Variants in PTPN3 observed in about 807,000 individuals in gnomAD.
PTPN3 encodes the protein tyrosine-protein phosphatase non-receptor type 3.
Under a neutral mutation model 132.7 loss-of-function variants are expected in PTPN3, and 96 were observed. That is an observed-to-expected ratio of 0.72 (90% CI 0.61 to 0.86). PTPN3 has a LOEUF of 0.86. Ranked by LOEUF, PTPN3 falls within the 40% of genes least tolerant of loss-of-function variation. The probability of loss-of-function intolerance (pLI) is 0.00; values close to 1 mark genes in which losing one functional copy is unlikely to be tolerated. For synonymous variants in PTPN3, 398 were observed against 429.0 expected, an observed-to-expected ratio of 0.93 and a Z score of 0.89; for missense variants, 1,125 against 1,159.6, an observed-to-expected ratio of 0.97 and a Z score of 0.43.
At chr9:109,454,379 T>C (rs1219159670) in intron 5 of PTPN3, 117 bp downstream of exon 5, 1 of 841,686 alleles carries the variant, frequency 1.2e-6, no homozygotes, top group South Asian at 1.6e-5. Context: ...ATCATCATTG[T>C]TGGTGTAGTT....
At chr9:109,416,441 TTTTTTGTTTC>T (rs1382580055) in intron 14 of PTPN3, among the ~76,000 whole-genome samples, 6 of 141,368 alleles carry the variant, frequency 4.2e-5, no homozygotes, top group African/African-American at 1.3e-4. Flanking sequence ...TGTTTTTTGT[TTTTTTGTTTC>T]TTTTTTTTTT....
chr9:109,437,542 A>G (rs1588425740), intron 8 of PTPN3, among the ~76,000 whole-genome samples: 2 of 152,320 alleles, frequency 1.3e-5, no homozygotes, highest in East Asian at 3.9e-4. Context: ...TGGACTGCAC[A>G]GCTGCTGCTG....
chr9:109,534,246 G>T, the PTPN3 span: 1 of 1,493,204 alleles, frequency 6.7e-7, no homozygotes, highest in Non-Finnish European at 9.1e-7. Flanking sequence ...TGCCCGTAGT[G>T]CCGGGCGTGG....
chr9:109,457,530 G>A, intron 2 of PTPN3, 131 bp from the exon 3 acceptor site: 1 of 715,636 alleles, frequency 1.4e-6, no homozygotes, highest in South Asian at 2.0e-5. Flanking sequence ...CACAAGAAAA[G>A]CTTTAATAAA....
chr9:109,442,754 C>T (rs916543702), intron 7 of PTPN3, among the ~76,000 whole-genome samples: 1 of 152,204 alleles, frequency 6.6e-6, no homozygotes, highest in African/African-American at 2.4e-5. Context: ...ATTTCATCTT[C>T]ACTACAACCC....
intron 16 of PTPN3, among the ~76,000 whole-genome samples, chr9:109,408,983 G>A (rs559764268): frequency 8.6e-5 from 13 of 151,842 alleles, no homozygotes; most frequent in African/African-American, 2.7e-4. Context: ...TGGGGCAGAT[G>A]AGGCTGTGCA....
chr9:109,494,856 C>T (rs1249516145), intron 1 of PTPN3, among the ~76,000 whole-genome samples: 1 of 152,052 alleles, frequency 6.6e-6, no homozygotes, highest in East Asian at 1.9e-4. Context: ...ATAAATGTCT[C>T]AATTTGCTGT....
At chr9:109,490,084 G>A (rs145240835) in intron 1 of PTPN3, among the ~76,000 whole-genome samples, 19 of 152,216 alleles carry the variant, frequency 1.2e-4, no homozygotes, top group African/African-American at 4.6e-4. Flanking sequence ...TTGGGAGGTT[G>A]AGGCAGGAGA....
Position 109,410,073 on chromosome 9 carries a change from C to T in PTPN3, c.1504G>A (p.Asp502Asn), listed in dbSNP as rs372363344. The change falls in exon 16 of 26, where the codon GAT becomes AAT. Residue 502 changes from aspartate (D) to asparagine (N), a missense_variant. Transcript: ENST00000374541. ...DASQYYCDKNDNGDSYLVLIR... is the reference protein window; with the variant it reads ...DASQYYCDKNNNGDSYLVLIR... ...AAGACTAAGTAGCTGTCACCATTAT[C>T]ATTCTGGAAAACGGTTTGAAAGTGG... The T allele has an allele frequency of 1.2e-5, 19 of 1,614,108 alleles. No individual in the cohort carries two copies. The African/African-American group carries it at 2.1e-4, about 18-fold the overall frequency.
the PTPN3 span, among the ~76,000 whole-genome samples, chr9:109,520,234 A>C: frequency 6.6e-6 from 1 of 151,976 alleles, no homozygotes; most frequent in Non-Finnish European, 1.5e-5. Context: ...TCTAGAGCCC[A>C]TGCTCTGCGC....
Position 109,434,442 on chromosome 9 carries a change from G to C in PTPN3, c.676-1281C>G, listed in dbSNP as rs1484551843. Among the ~76,000 whole-genome samples, 7 of 150,358 alleles carry C rather than the reference G, an allele frequency of 4.7e-5. No individual in the cohort carries two copies. The East Asian group carries it at 1.4e-3, about 29-fold the overall frequency. On this transcript the variant is annotated intron_variant, in intron 9 of 25. Coordinates refer to ENST00000374541, the MANE Select transcript of PTPN3 (RefSeq NM_002829.4). Reference sequence around the variant, plus strand: ...TACAGCCTCAGTTCCCAAGTAGCTGGGACTACAGGCATGTGCCACCACGCC... The same window carrying C: ...TACAGCCTCAGTTCCCAAGTAGCTGCGACTACAGGCATGTGCCACCACGCC...
At chr9:109,390,676 A>G (rs1839996569) in intron 21 of PTPN3, among the ~76,000 whole-genome samples, 1 of 152,204 alleles carries the variant, frequency 6.6e-6, no homozygotes, top group Non-Finnish European at 1.5e-5. Flanking sequence ...GCGTTTTTAG[A>G]GAGAAAATAA....
chr9:109,488,416 G>C (rs1350368196), intron 1 of PTPN3, among the ~76,000 whole-genome samples: 1 of 152,122 alleles, frequency 6.6e-6, no homozygotes, highest in Admixed American at 6.6e-5. Context: ...ACATTTTTAA[G>C]CAGTAAAATC....
the PTPN3 span, chr9:109,533,703 T>G: frequency 6.8e-7 from 1 of 1,475,718 alleles, no homozygotes; most frequent in Non-Finnish European, 9.2e-7. Context: ...ACAGGAGGGT[T>G]GGAATACTGT....
chr9:109,386,970 A>T (rs757649920), intron 22 of PTPN3, among the ~76,000 whole-genome samples: 3 of 152,076 alleles, frequency 2.0e-5, no homozygotes, highest in Non-Finnish European at 4.4e-5. Flanking sequence ...GGGGACAGAG[A>T]GGGGAGACTG....
chr9:109,449,224 C>A, intron 5 of PTPN3: 1 of 1,045,370 alleles, frequency 9.6e-7, no homozygotes, highest in Non-Finnish European at 1.1e-6. Flanking sequence ...GGGCTCTGCA[C>A]AAGCGGCGCC....
At chr9:109,431,107 G>C (rs1240453160) in intron 10 of PTPN3, among the ~76,000 whole-genome samples, 1 of 152,214 alleles carries the variant, frequency 6.6e-6, no homozygotes, top group Non-Finnish European at 1.5e-5. Flanking sequence ...TGGAGGCAGG[G>C]GCCAGGCCTC....
the PTPN3 span, among the ~76,000 whole-genome samples, chr9:109,525,259 T>G: frequency 2.0e-5 from 3 of 152,074 alleles, no homozygotes. Flanking sequence ...GGTTTCACAA[T>G]GTTGCCCAGG....
At chr9:109,430,376 T>G (rs535454015) in intron 10 of PTPN3, among the ~76,000 whole-genome samples, 1 of 152,196 alleles carries the variant, frequency 6.6e-6, no homozygotes, top group East Asian at 1.9e-4. Flanking sequence ...CCTCCTGTGG[T>G]TCCTAGGGCT....
Sources: gnomAD v4.1 joint callset for allele counts (sites outside exome capture counted in the v4.1 genomes callset) on GRCh38, gnomAD v4.1.1 for gene constraint, MANE v1.5 for transcripts, NCBI Gene and HGNC (gene_info 2026-07-23, HGNC 2026-07-21) for gene names.